Variants in NKAIN2 observed in about 807,000 individuals in gnomAD.
NKAIN2 encodes the protein sodium/potassium-transporting ATPase subunit beta-1-interacting protein 2.
A neutral mutation model predicts 32.6 loss-of-function variants in NKAIN2; 14 were observed. The ratio of observed to expected loss-of-function variants is 0.43; its 90% confidence interval spans 0.28 to 0.67. The LOEUF (loss-of-function observed/expected upper bound fraction) is 0.67, where lower values mean the gene tolerates loss of function less well. NKAIN2 is among the 30% of genes least tolerant of loss of function. NKAIN2 has a pLI of 0.17. For synonymous variants in NKAIN2, 80 were observed against 87.2 expected, an observed-to-expected ratio of 0.92 and a Z score of 0.46; for missense variants, 198 against 258.3, an observed-to-expected ratio of 0.77 and a Z score of 1.60.
chr6:124,069,898 C>G (rs1335684067), intron 1 of NKAIN2, among the ~76,000 whole-genome samples: 2 of 152,140 alleles, frequency 1.3e-5, no homozygotes, highest in Non-Finnish European at 2.9e-5. Flanking sequence ...CCAGGGTAAG[C>G]TGTGACAAGT....
chr6:124,714,478 T>G (rs1199577761), intron 4 of NKAIN2, among the ~76,000 whole-genome samples: 3 of 152,206 alleles, frequency 2.0e-5, no homozygotes, highest in Non-Finnish European at 2.9e-5. Flanking sequence ...CTTTCATTTT[T>G]CACTGGTGAA....
intron 2 of NKAIN2, among the ~76,000 whole-genome samples, chr6:124,349,572 C>G (rs1461587360): frequency 6.6e-6 from 1 of 152,066 alleles, no homozygotes; most frequent in African/African-American, 2.4e-5. Context: ...TAATATTTCC[C>G]TGTAGCTTCT....
At chr6:124,599,474 T>C (rs1782225827) in intron 3 of NKAIN2, among the ~76,000 whole-genome samples, 2 of 152,120 alleles carry the variant, frequency 1.3e-5, no homozygotes, top group South Asian at 4.1e-4. Flanking sequence ...AATCACCTGC[T>C]GAAAAAGAGC....
chr6:124,254,926 T>G lies in NKAIN2; in HGVS notation c.55-28079T>G, dbSNP rs117826599. On this transcript the variant is annotated intron_variant, in intron 1 of 6. Transcript: ENST00000368417. The stretch of plus-strand genomic sequence containing the variant: ...ATAGTCAGCTTTTTATCGTGCTTAA[T>G]AGCCTTTCTCGTTAAGTCCCCTGAC... 4.0e-4 allele frequency among the ~76,000 whole-genome samples: 61 copies of G among 152,346 alleles called. No homozygotes were observed. The East Asian group carries it at 9.1e-3, about 23-fold the overall frequency.
chr6:124,558,948 TCAAACAAACAAA>T (rs3053603), intron 3 of NKAIN2, among the ~76,000 whole-genome samples: 2 of 150,024 alleles, frequency 1.3e-5, no homozygotes, highest in South Asian at 2.1e-4. Flanking sequence ...AAACTCCATC[TCAAACAAACAAA>T]CAAACAAACA....
chr6:124,620,643 G>A (rs1401371783), intron 3 of NKAIN2, among the ~76,000 whole-genome samples: 1 of 152,158 alleles, frequency 6.6e-6, no homozygotes, highest in African/African-American at 2.4e-5. Flanking sequence ...CATAAGCTAA[G>A]GTTAGGGTTT....
chr6:123,966,330 A>G (rs1778080063), intron 1 of NKAIN2, among the ~76,000 whole-genome samples: 1 of 152,174 alleles, frequency 6.6e-6, no homozygotes, highest in Non-Finnish European at 1.5e-5. Flanking sequence ...CTCAGAAGAT[A>G]CGAGCTTTAA....
intron 2 of NKAIN2, 149 bp from the exon 3 acceptor site, chr6:124,355,118 C>T (rs3757218): frequency 0.21 from 102,703 of 494,324 alleles, 11,447 homozygotes; most frequent in Admixed American, 0.3. Flanking sequence ...CAGAGATAAA[C>T]GTACATCTAA....
chr6:124,787,083 T>C (rs1486041857), intron 4 of NKAIN2, among the ~76,000 whole-genome samples: 1 of 152,054 alleles, frequency 6.6e-6, no homozygotes, highest in Non-Finnish European at 1.5e-5. Flanking sequence ...AAGGTCTATC[T>C]CAAAAGTGCC....
intron 1 of NKAIN2, among the ~76,000 whole-genome samples, chr6:124,073,279 A>G (rs1783540773): frequency 6.6e-6 from 1 of 152,244 alleles, no homozygotes. Flanking sequence ...TTCAGTCTTG[A>G]AGGGAGGCCG....
chr6:124,100,681 C>G (rs147951861), intron 1 of NKAIN2, among the ~76,000 whole-genome samples: 1 of 152,332 alleles, frequency 6.6e-6, no homozygotes, highest in East Asian at 1.9e-4. Context: ...ATTGATGTCA[C>G]AACCTGACAA....
intron 3 of NKAIN2, among the ~76,000 whole-genome samples, chr6:124,536,984 T>C (rs1000603649): frequency 2.1e-4 from 32 of 152,172 alleles, no homozygotes; most frequent in African/African-American, 7.7e-4. Flanking sequence ...TTTAACAACA[T>C]GGATAACCCA....
rs78763085 is a variant in NKAIN2 at position 123,952,912 on chromosome 6, C to T, written c.54+148658C>T. Among the ~76,000 whole-genome samples, 545 of 152,198 alleles carry T rather than the reference C, an allele frequency of 3.6e-3. 4 individuals are homozygous for T. Among genetic ancestry groups the T allele is most frequent in the Non-Finnish European group, 6.0e-3 (410 of 68,016 alleles). ...ATTAGAAACCGTTGTTGGAGAGTCA[C>T]TGTATTACTTTGGAGGTAACATATT... On this transcript the variant is annotated intron_variant, in intron 1 of 6. Transcript: ENST00000368417.
chr6:123,959,738 GA>G (rs1777755151), intron 1 of NKAIN2, among the ~76,000 whole-genome samples: 1 of 151,290 alleles, frequency 6.6e-6, no homozygotes, highest in South Asian at 2.1e-4. Context: ...AGGGAAGTTA[GA>G]ATTTTTTTTC....
At chr6:124,115,706 C>A (rs1033656658) in intron 1 of NKAIN2, among the ~76,000 whole-genome samples, 1 of 152,034 alleles carries the variant, frequency 6.6e-6, no homozygotes, top group African/African-American at 2.4e-5. Flanking sequence ...ATCACATTTT[C>A]TGGATTCTAA....
intron 1 of NKAIN2, among the ~76,000 whole-genome samples, chr6:123,948,721 C>T (rs987388744): frequency 1.4e-5 from 2 of 141,186 alleles, no homozygotes; most frequent in Non-Finnish European, 3.0e-5. Flanking sequence ...TTTTCTCTTT[C>T]TCTGTTGATT....
At chr6:124,633,561 C>A (rs1583556226) in intron 3 of NKAIN2, among the ~76,000 whole-genome samples, 1 of 152,120 alleles carries the variant, frequency 6.6e-6, no homozygotes, top group Admixed American at 6.5e-5. Flanking sequence ...CTTGTTATTA[C>A]CATCTTGTGG....
rs190294697 is a variant in NKAIN2 at position 124,801,434 on chromosome 6, G to T, written c.535+10035G>T. Among the ~76,000 whole-genome samples the T allele has an allele frequency of 6.6e-4, 101 of 152,278 alleles. 1 individual carries two copies. Among genetic ancestry groups the T allele is most frequent in the African/African-American group, 2.3e-3 (94 of 41,554 alleles). ...AGGAAAGGGACACTCAAATTGACTT[G>T]CTCAAAGTTAAACAATCATTTAGAG... On this transcript the variant is annotated intron_variant, in intron 5 of 6. Coordinates refer to ENST00000368417, the MANE Select transcript of NKAIN2 (RefSeq NM_001040214.3).
At chr6:124,523,839 A>G (rs993623933) in intron 3 of NKAIN2, among the ~76,000 whole-genome samples, 2 of 152,200 alleles carry the variant, frequency 1.3e-5, no homozygotes, top group African/African-American at 4.8e-5. Context: ...ACAAATCTTC[A>G]TTTATTACCT....
Sources: allele counts gnomAD v4.1 joint callset (sites outside exome capture counted in the v4.1 genomes callset), GRCh38; gene constraint gnomAD v4.1.1; transcripts MANE v1.5; gene names NCBI Gene and HGNC (gene_info 2026-07-23, HGNC 2026-07-21).